TSNARE1: variants seen among roughly 807,000 people sequenced by gnomAD.
TSNARE1 encodes the protein t-SNARE domain containing 1, also known as t-SNARE domain-containing protein 1.
TSNARE1 carries 49 observed loss-of-function variants against 62.0 expected under a neutral mutation model. That is an observed-to-expected ratio of 0.79 (90% CI 0.63 to 1.00). TSNARE1 has a LOEUF of 1.00. Among genes scored for constraint, TSNARE1 ranks in the 50% least tolerant of loss-of-function variants. The probability of loss-of-function intolerance (pLI) is 0.00; values close to 1 mark genes in which losing one functional copy is unlikely to be tolerated. For synonymous variants in TSNARE1, 328 were observed against 294.4 expected (o/e 1.11, Z -1.17); for missense variants, 755 against 700.1 (o/e 1.08, Z -0.88).
At chr8:142,277,018 C>T (rs1046395261) in intron 11 of TSNARE1, 68 of 985,328 alleles carry the variant, frequency 6.9e-5, no homozygotes, top group Non-Finnish European at 8.0e-5. Flanking sequence ...CCGCGTGTTG[C>T]TCGTGGGGTG....
intron 12 of TSNARE1, among the ~76,000 whole-genome samples, chr8:142,258,640 C>T (rs1337480559): frequency 6.6e-6 from 1 of 152,074 alleles, no homozygotes; most frequent in Non-Finnish European, 1.5e-5. Flanking sequence ...TACCACCACA[C>T]CTGGCTAATT....
rs745524856 is a variant in TSNARE1 at position 142,300,483 on chromosome 8, C to T, written c.1290+3G>A. On this transcript the variant is annotated splice_donor_region_variant and intron_variant, in intron 10 of 13. Transcript: ENST00000524325. ...TGAGCACGCTTGCCCACGCCAGCCT[C>T]ACCTCCATCTGCAGGATGGCCTCCT... The T allele has an allele frequency of 5.6e-6, 9 of 1,600,420 alleles. No homozygotes were observed. The highest frequency in any genetic ancestry group is 1.3e-5 in the African/African-American group (1 of 74,996).
At chr8:142,282,957 G>C (rs1040968610) in intron 11 of TSNARE1, among the ~76,000 whole-genome samples, 2 of 141,114 alleles carry the variant, frequency 1.4e-5, no homozygotes, top group African/African-American at 5.4e-5. Context: ...TGAGCAGAGG[G>C]GAGGCCACTG....
At chr8:142,356,435 G>A (rs1442716623) in intron 1 of TSNARE1, among the ~76,000 whole-genome samples, 2 of 152,228 alleles carry the variant, frequency 1.3e-5, no homozygotes, top group Non-Finnish European at 2.9e-5. Context: ...CCCCAGGGGA[G>A]AGTGGGCTCT....
At chr8:142,222,496 T>TAATTCACTCACTCACTCACTCATC (rs1816377345) in intron 13 of TSNARE1, among the ~76,000 whole-genome samples, 10 of 93,736 alleles carry the variant, frequency 1.1e-4, no homozygotes, top group Admixed American at 4.4e-4. Flanking sequence ...ACTCATCCAC[T>TAATTCACTCACTCACTCACTCATC]CACTCATCCA....
intron 1 of TSNARE1, among the ~76,000 whole-genome samples, chr8:142,389,049 CA>C (rs1434566030): frequency 1.3e-5 from 2 of 152,320 alleles, no homozygotes; most frequent in East Asian, 3.9e-4. Flanking sequence ...GACATAAAAA[CA>C]GACAAACAGC....
chr8:142,402,930 C>A (rs1342203870), intron 1 of TSNARE1, 174 bp downstream of exon 1: 2 of 151,456 alleles, frequency 1.3e-5, no homozygotes, highest in Non-Finnish European at 3.0e-5. Flanking sequence ...GTCCCGCCCC[C>A]TCCCCTCCCC....
At chr8:142,312,841 A>T (rs1270317868) in intron 9 of TSNARE1, among the ~76,000 whole-genome samples, 1 of 152,228 alleles carries the variant, frequency 6.6e-6, no homozygotes, top group Non-Finnish European at 1.5e-5. Context: ...ACTGCTGTTC[A>T]GTCTCAATAA....
At chr8:142,256,405 A>ATC (rs1563782928) in intron 12 of TSNARE1, among the ~76,000 whole-genome samples, 3 of 118,074 alleles carry the variant, frequency 2.5e-5, no homozygotes, top group Non-Finnish European at 5.6e-5. Context: ...CACCAGCAGC[A>ATC]ACCACCATCA....
chr8:142,375,941 C>A (rs1836300538), intron 1 of TSNARE1, among the ~76,000 whole-genome samples: 1 of 152,172 alleles, frequency 6.6e-6, no homozygotes, highest in Middle Eastern at 3.2e-3. Flanking sequence ...AAGCAGCGGG[C>A]AGGGCCTCCT....
chr8:142,336,150 G>A (rs1831723052), intron 4 of TSNARE1, among the ~76,000 whole-genome samples: 1 of 151,996 alleles, frequency 6.6e-6, no homozygotes, highest in Admixed American at 6.6e-5. Context: ...CTGTGGTGAT[G>A]TACACCTGCA....
chr8:142,227,055 C>T (rs111597788), intron 13 of TSNARE1, among the ~76,000 whole-genome samples: 1 of 93,548 alleles, frequency 1.1e-5, no homozygotes, highest in African/African-American at 5.3e-5. Flanking sequence ...GACAGCCAGG[C>T]CCCCCACTGC....
At chr8:142,275,465 C>T in intron 11 of TSNARE1, 3 of 985,406 alleles carry the variant, frequency 3.0e-6, no homozygotes, top group Non-Finnish European at 3.6e-6. Flanking sequence ...GCCACATCAG[C>T]AGGGCCCACG....
chr8:142,256,233 C>T (rs1395415024), intron 12 of TSNARE1, among the ~76,000 whole-genome samples: 2 of 143,000 alleles, frequency 1.4e-5, no homozygotes, highest in African/African-American at 2.6e-5. Context: ...CTATCACCAC[C>T]ACCACCATCA....
At chr8:142,335,428 C>T (rs933928566) in intron 4 of TSNARE1, among the ~76,000 whole-genome samples, 7 of 152,032 alleles carry the variant, frequency 4.6e-5, no homozygotes, top group African/African-American at 1.5e-4. Flanking sequence ...CCTGTGTGGC[C>T]GATCCACCAC....
Position 142,345,880 on chromosome 8 carries a change from C to A in TSNARE1, c.101G>T (p.Cys34Phe). The A allele has an allele frequency of 2.5e-6, 4 of 1,613,754 alleles. No homozygotes were observed. The highest frequency in any genetic ancestry group is 3.4e-6 in the Non-Finnish European group (4 of 1,179,798). ...QGCQPLECAR[C>F]WTEYGIRHFP... ...ATGGCGGATTCCATACTCGGTCCAA[C>A]ATCTAGCGCACTCTACGGACAGCAA... Residue 34 changes from cysteine (C) to phenylalanine (F), a missense_variant, in exon 3 of 14, where the codon TGT becomes TTT. Cys to Phe is a radical substitution (Grantham distance 205). Coordinates refer to ENST00000524325, the MANE Select transcript of TSNARE1 (RefSeq NM_145003.5).
chr8:142,216,021 GGC>G (rs1815815022), intron 13 of TSNARE1, among the ~76,000 whole-genome samples: 1 of 152,190 alleles, frequency 6.6e-6, no homozygotes, highest in Admixed American at 6.5e-5. Flanking sequence ...GATGGCATGT[GGC>G]ATCTGCCGGC....
rs1833000406 is a variant in TSNARE1, at chr8:142,344,033, C to G, written c.678G>C (p.Gln226His). Residue 226 changes from glutamine (Q) to histidine (H), a missense_variant, in exon 4 of 14, where the codon CAG becomes CAC. Physicochemically the swap from Gln to His is conservative, Grantham distance 24. Transcript: ENST00000524325. ...PQALALTPVEQVVAKTFSCQA... is the reference protein window; with the variant it reads ...PQALALTPVEHVVAKTFSCQA... ...GGCAAGAGAAGGTCTTGGCCACCAC[C>G]TGCTCCACGGGCGTGAGAGCCAGGG... The G allele has an allele frequency of 6.3e-7, 1 of 1,577,558 alleles. No individual in the cohort carries two copies. Among genetic ancestry groups the G allele is most frequent in the Non-Finnish European group, 8.6e-7 (1 of 1,159,826 alleles).
intron 1 of TSNARE1, among the ~76,000 whole-genome samples, chr8:142,388,501 TAA>T (rs34348082): frequency 4.1e-4 from 28 of 68,840 alleles, no homozygotes; most frequent in East Asian, 8.0e-4. Flanking sequence ...GATAATGAAC[TAA>T]AAAAAAAAAA....
Sources: allele counts gnomAD v4.1 joint callset (sites outside exome capture counted in the v4.1 genomes callset), GRCh38; gene constraint gnomAD v4.1.1; transcripts MANE v1.5; gene names NCBI Gene and HGNC (gene_info 2026-07-23, HGNC 2026-07-21).